SI: variants seen among roughly 807,000 people sequenced by gnomAD.
The protein encoded by SI is sucrase-isomaltase, intestinal.
In SI, 235 loss-of-function variants were observed where a neutral mutation model predicts 253.3. That is an observed-to-expected ratio of 0.93 (90% confidence interval 0.83 to 1.03). SI has a LOEUF of 1.03. Ranked by LOEUF, SI falls within the 50% of genes least tolerant of loss-of-function variation. SI has a pLI of 0.00. For synonymous variants in SI, 819 were observed against 712.0 expected (o/e 1.15, Z -2.39); for missense variants, 2,442 against 2,211.1 (o/e 1.10, Z -2.09).
intron 35 of SI, 110 bp from the exon 36 acceptor site, chr3:165,008,108 A>G (rs1718602834): frequency 1.7e-6 from 1 of 595,620 alleles, no homozygotes; most frequent in Non-Finnish European, 3.1e-6. Flanking sequence ...ACAATGTTAT[A>G]TATACTCACT....
At chr3:165,025,112 G>A (rs1711841258) in intron 25 of SI, among the ~76,000 whole-genome samples, 1 of 151,062 alleles carries the variant, frequency 6.6e-6, no homozygotes, top group Non-Finnish European at 1.5e-5. Context: ...GCTAAAGTTT[G>A]TAATCGCCCA....
At position 165,019,673 on chromosome 3, in the gene SI, C is replaced by T; in HGVS notation, c.3352G>A (p.Glu1118Lys). The T allele has an allele frequency of 6.2e-7, 1 of 1,612,658 alleles. No homozygotes were observed. Among genetic ancestry groups the T allele is most frequent in the Non-Finnish European group, 8.5e-7 (1 of 1,179,122 alleles). ...SEYIYGFGEV[E>K]HTAFKRDLNW... ...AGATCTCGCTTAAATGCTGTATGTT[C>T]CACTTCCCCAAAACCATATATATAT... Residue 1118 changes from glutamate (E) to lysine (K), a missense_variant, in exon 28 of 48, where the codon GAA becomes AAA. Coordinates refer to ENST00000264382, the MANE Select transcript of SI (RefSeq NM_001041.4).
At position 165,016,043 on chromosome 3, in the gene SI, T is replaced by C; in HGVS notation, c.3797A>G (p.Gln1266Arg). The change falls in exon 32 of 48, where the codon CAG becomes CGG. Residue 1266 changes from glutamine (Q) to arginine (R), a missense_variant. Gln to Arg is a conservative substitution (Grantham distance 43). Transcript: ENST00000264382. ...QYTDIDYMER[Q>R]LDFTIGEAFQ... is the part of the protein sequence containing the mutation. The stretch of plus-strand genomic sequence containing the variant: ...TGCTTCACCAATTGTAAAGTCTAGC[T>C]GCCTTTCCATGTAGTCAATGTCTGT... 6.2e-7 allele frequency: 1 copy of C among 1,612,876 alleles called. No homozygotes were observed.
At chr3:165,026,133 T>A (rs1468600590) in intron 25 of SI, among the ~76,000 whole-genome samples, 1 of 150,638 alleles carries the variant, frequency 6.6e-6, no homozygotes, top group Non-Finnish European at 1.5e-5. Context: ...GATAAAGGGG[T>A]AGAAAAAAAC....
At chr3:165,073,170 TTCTCTCTCTCTCTCTCTCTC>T (rs59796544) in intron 3 of SI, among the ~76,000 whole-genome samples, 8,196 of 131,968 alleles carry the variant, frequency 0.062, 337 homozygotes, top group Middle Eastern at 0.12. Flanking sequence ...CTTCAATCAT[TTCTCTCTCTCTCTCTCTCTC>T]TCTCTCTCTC....
intron 43 of SI, 110 bp from the exon 44 acceptor site, chr3:164,991,587 T>A: frequency 8.6e-7 from 1 of 1,159,006 alleles, no homozygotes; most frequent in Non-Finnish European, 1.3e-6. Flanking sequence ...ACTTTTAGAT[T>A]AAAAAATTCA....
chr3:165,013,121 G>C, intron 33 of SI, 79 bp from the exon 34 acceptor site: 1 of 865,216 alleles, frequency 1.2e-6, no homozygotes, highest in East Asian at 2.4e-5. Flanking sequence ...AAGTGTAATG[G>C]AGTATTAGAG....
At chr3:165,011,949 G>A (rs1301090235) in intron 34 of SI, among the ~76,000 whole-genome samples, 1 of 151,758 alleles carries the variant, frequency 6.6e-6, no homozygotes, top group Admixed American at 6.6e-5. Flanking sequence ...TAATGAATTG[G>A]CCCTTTTGTC....
chr3:165,039,593 C>G (rs1008277575), intron 19 of SI, among the ~76,000 whole-genome samples: 2 of 151,778 alleles, frequency 1.3e-5, no homozygotes, highest in Non-Finnish European at 2.9e-5. Flanking sequence ...TAAATGAGAA[C>G]TCTTTGTTAT....
chr3:165,086,118 G>T, the SI span, among the ~76,000 whole-genome samples: 11 of 152,034 alleles, frequency 7.2e-5, no homozygotes, highest in Non-Finnish European at 1.3e-4. Context: ...GCAGGGCATG[G>T]TGGTGCACAC....
chr3:165,006,735 CG>C (rs1559986000), intron 37 of SI, 80 bp downstream of exon 37: 2 of 1,216,556 alleles, frequency 1.6e-6, no homozygotes, highest in African/African-American at 3.0e-5. Context: ...AGAAGATTGT[CG>C]GGACTGTTAA....
chr3:165,038,843 C>A (rs1430053324), intron 20 of SI, among the ~76,000 whole-genome samples: 1 of 151,958 alleles, frequency 6.6e-6, no homozygotes, highest in Non-Finnish European at 1.5e-5. Flanking sequence ...AATAATATCT[C>A]TTTATGCTAA....
chr3:165,062,313 A>C (rs1049019000), intron 9 of SI, 58 bp downstream of exon 9: 38 of 827,418 alleles, frequency 4.6e-5, no homozygotes, highest in Non-Finnish European at 6.4e-6. Flanking sequence ...ATATGTGGTC[A>C]TGTTAGATGA....
the SI span, among the ~76,000 whole-genome samples, chr3:165,087,809 C>T: frequency 6.6e-6 from 1 of 152,062 alleles, no homozygotes; most frequent in African/African-American, 2.4e-5. Flanking sequence ...TAGTATCCTC[C>T]TTTATTTACC....
At chr3:165,002,623 CAGAA>C (rs1374146021) in intron 37 of SI, among the ~76,000 whole-genome samples, 6 of 151,632 alleles carry the variant, frequency 4.0e-5, no homozygotes, top group African/African-American at 7.2e-5. Flanking sequence ...CAATGATAAA[CAGAA>C]AGACTTTACT....
At chr3:165,035,005 G>T (rs1712458910) in intron 22 of SI, among the ~76,000 whole-genome samples, 1 of 151,944 alleles carries the variant, frequency 6.6e-6, no homozygotes, top group Admixed American at 6.6e-5. Flanking sequence ...TAGAACCAAT[G>T]AAATCCTTAG....
At chr3:164,992,137 TTC>T in intron 43 of SI, 38 bp downstream of exon 43, 1 of 1,512,762 alleles carries the variant, frequency 6.6e-7, no homozygotes, top group South Asian at 1.1e-5. Context: ...AATTACCCGT[TTC>T]TGTTTAGTTA....
intron 13 of SI, among the ~76,000 whole-genome samples, chr3:165,051,161 C>G (rs114222378): frequency 0.016 from 2,435 of 152,044 alleles, 69 homozygotes; most frequent in African/African-American, 0.055. Context: ...TCCTCTGACC[C>G]AAGCACACTC....
At position 165,017,677 on chromosome 3, in the gene SI, TAA is replaced by T. The variant is rs750773954; in HGVS notation, c.3634-6_3634-5del. The T allele has an allele frequency of 6.2e-7, 1 of 1,611,926 alleles. No homozygotes were observed. The highest frequency in any genetic ancestry group is 8.5e-7 in the Non-Finnish European group (1 of 1,178,560). On this transcript the variant is annotated splice_polypyrimidine_tract_variant and splice_region_variant and intron_variant, in intron 30 of 47. Transcript: ENST00000264382. ...GCATGACTGGATGGCCAATTACCTT[TAA>T]AAAAAATTCATGTGTGAACTAAGAG...
Sources: allele counts gnomAD v4.1 joint callset (sites outside exome capture counted in the v4.1 genomes callset), GRCh38; gene constraint gnomAD v4.1.1; transcripts MANE v1.5; gene names NCBI Gene and HGNC (gene_info 2026-07-23, HGNC 2026-07-21).